Variants in RIMBP2 observed in about 807,000 individuals in gnomAD.
RIMBP2 encodes the protein RIMS binding protein 2.
RIMBP2 carries 48 observed loss-of-function variants against 118.6 expected under a neutral mutation model. The observed-to-expected ratio is 0.40, with a 90% CI of 0.32 to 0.51. RIMBP2 has a LOEUF of 0.51. RIMBP2 is among the 20% of genes least tolerant of loss of function. The pLI, the probability that RIMBP2 is intolerant of heterozygous loss-of-function variation, is 0.41. For missense variants in RIMBP2, 1,551 were observed against 1,768.3 expected (o/e 0.88, Z 2.20); for synonymous variants, 762 against 742.9 (o/e 1.03, Z -0.42).
At chr12:130,423,643 T>A (rs191734186) in intron 16 of RIMBP2, among the ~76,000 whole-genome samples, 32 of 137,902 alleles carry the variant, frequency 2.3e-4, no homozygotes, top group African/African-American at 8.2e-4. Context: ...ACAAGAACTT[T>A]GGAAACAATA....
At chr12:130,549,324 G>C (rs2055501500) in intron 2 of RIMBP2, among the ~76,000 whole-genome samples, 1 of 152,164 alleles carries the variant, frequency 6.6e-6, no homozygotes, top group Non-Finnish European at 1.5e-5. Context: ...AAATGACTTG[G>C]TGATCTTTGG....
chr12:130,566,005 T>C (rs1334146327), intron 2 of RIMBP2, among the ~76,000 whole-genome samples: 1 of 152,222 alleles, frequency 6.6e-6, no homozygotes, highest in East Asian at 1.9e-4. Context: ...CAAGTATCAG[T>C]TCCTAACGAG....
At chr12:130,430,394 A>G (rs555333262) in intron 14 of RIMBP2, 1 of 152,336 alleles carries the variant, frequency 6.6e-6, no homozygotes, top group Non-Finnish European at 1.5e-5. Flanking sequence ...AGGCTGAGGT[A>G]AAGCCTCCAC....
intron 12 of RIMBP2, among the ~76,000 whole-genome samples, chr12:130,437,820 G>T (rs1430141584): frequency 6.6e-6 from 1 of 152,222 alleles, no homozygotes; most frequent in Non-Finnish European, 1.5e-5. Flanking sequence ...CTCCTGCAGG[G>T]CGGAGCTGGG....
chr12:130,710,711 C>T lies in RIMBP2; in HGVS notation c.-352+5511G>A, dbSNP rs1949855600. On this transcript the variant is annotated intron_variant, in intron 1 of 22. Coordinates refer to ENST00000690449, the MANE Select transcript of RIMBP2 (RefSeq NM_001393629.1). This position sits in a 1 kb window ranked among gnomAD's most constrained non-coding sequence, Gnocchi z 4.3. ...ACACAGCTAGGCCAAGGAGAGAGCCCCCCTCATCTCCCACACTGGGTCTCT... is the reference window on the plus strand; with the variant it reads ...ACACAGCTAGGCCAAGGAGAGAGCCTCCCTCATCTCCCACACTGGGTCTCT... 6.6e-6 allele frequency among the ~76,000 whole-genome samples: 1 copy of T among 152,210 alleles called. No homozygotes were observed. Among genetic ancestry groups the T allele is most frequent in the Non-Finnish European group, 1.5e-5 (1 of 68,038 alleles).
intron 2 of RIMBP2, among the ~76,000 whole-genome samples, chr12:130,595,239 G>A (rs1230400186): frequency 6.6e-6 from 1 of 152,178 alleles, no homozygotes; most frequent in East Asian, 1.9e-4. Flanking sequence ...CTGATGGGCT[G>A]CCCTGCAGCT....
chr12:130,592,348 G>GT (rs1056945055), intron 2 of RIMBP2, among the ~76,000 whole-genome samples: 1 of 152,148 alleles, frequency 6.6e-6, no homozygotes, highest in African/African-American at 2.4e-5. Flanking sequence ...TCTCTTTTCT[G>GT]TTTTGACAGC....
In RIMBP2 at chr12:130,454,470, G is replaced by A. The variant is rs180774388; in HGVS notation, c.358+2026C>T. 1.7e-3 allele frequency among the ~76,000 whole-genome samples: 253 copies of A among 152,316 alleles called. 1 individual carries two copies. The highest frequency in any genetic ancestry group is 2.4e-3 in the Admixed American group (36 of 15,308). ...TCTGGAGGCACTGGTGTCCACCGCC[G>A]TCATAAGCGACATGCACTGTGAGGG... On this transcript the variant is annotated intron_variant, in intron 7 of 22. Coordinates refer to ENST00000690449, the MANE Select transcript of RIMBP2 (RefSeq NM_001393629.1).
At chr12:130,564,961 T>G (rs765576653) in intron 2 of RIMBP2, among the ~76,000 whole-genome samples, 7 of 152,192 alleles carry the variant, frequency 4.6e-5, no homozygotes, top group Non-Finnish European at 1.0e-4. Context: ...TTGATCACAG[T>G]GATAACATGA....
chr12:130,617,155 T>C lies in RIMBP2; in HGVS notation c.-217+11167A>G, dbSNP rs868746547. Among the ~76,000 whole-genome samples, 2 of 152,130 alleles carry C rather than the reference T, an allele frequency of 1.3e-5. No individual in the cohort carries two copies. Among genetic ancestry groups the C allele is most frequent in the Non-Finnish European group, 2.9e-5 (2 of 68,008 alleles). ...CCCTACCAGTCTCTTCTGTGTTTCA[T>C]TGTCACCAACGATCCCCCACCCCCG... On this transcript the variant is annotated intron_variant, in intron 2 of 22. Coordinates refer to ENST00000690449, the MANE Select transcript of RIMBP2 (RefSeq NM_001393629.1). This position sits in a 1 kb window ranked among gnomAD's most constrained non-coding sequence, Gnocchi z 4.6.
At chr12:130,488,327 A>G (rs1364929579) in intron 4 of RIMBP2, among the ~76,000 whole-genome samples, 1 of 152,112 alleles carries the variant, frequency 6.6e-6, no homozygotes, top group Non-Finnish European at 1.5e-5. Context: ...GATGGCGAAA[A>G]AAAAGTTTAA....
chr12:130,471,585 C>A lies in RIMBP2; in HGVS notation c.103-842G>T, dbSNP rs188041682. Among the ~76,000 whole-genome samples, 8 of 152,314 alleles carry A rather than the reference C, an allele frequency of 5.3e-5. No individual in the cohort carries two copies. In the East Asian group the frequency reaches 5.8e-4, roughly 11 times the overall value. On this transcript the variant is annotated intron_variant, in intron 5 of 22. Coordinates refer to ENST00000690449, the MANE Select transcript of RIMBP2 (RefSeq NM_001393629.1). ...TCACTCTGCTCCATCTAAGCCAATGCCCGTTGTCCCGTCACAGTCGCCAGG... is the reference window on the plus strand; with the variant it reads ...TCACTCTGCTCCATCTAAGCCAATGACCGTTGTCCCGTCACAGTCGCCAGG...
intron 1 of RIMBP2, among the ~76,000 whole-genome samples, chr12:130,693,238 A>G (rs538393806): frequency 6.6e-6 from 1 of 152,212 alleles, no homozygotes; most frequent in East Asian, 1.9e-4. Flanking sequence ...GTAATGATTC[A>G]ATTGATTGAA....
intron 1 of RIMBP2, among the ~76,000 whole-genome samples, chr12:130,699,811 C>T (rs943620138): frequency 6.8e-6 from 1 of 146,872 alleles, no homozygotes; most frequent in Non-Finnish European, 1.5e-5. Context: ...GAGGCTGAGG[C>T]AGGAGAATCA....
rs2136984303 is a variant in RIMBP2 at position 130,434,108 on chromosome 12, G to A, written c.2253+626C>T. Among the ~76,000 whole-genome samples the A allele has an allele frequency of 6.6e-6, 1 of 152,310 alleles. No homozygotes were observed. The highest frequency in any genetic ancestry group is 6.5e-5 in the Admixed American group (1 of 15,296). ...GGGTTCAGAGGATACTGTGTGATCT[G>A]ATAACTGCAGCGTCTTCGAGCTCCC... is the stretch of plus-strand genomic sequence containing the variant. On this transcript the variant is annotated intron_variant, in intron 14 of 22. Coordinates refer to ENST00000690449, the MANE Select transcript of RIMBP2 (RefSeq NM_001393629.1). This position sits in a 1 kb window ranked among gnomAD's most constrained non-coding sequence, Gnocchi z 5.7.
At chr12:130,444,718 G>A (rs1358314907) in intron 10 of RIMBP2, among the ~76,000 whole-genome samples, 1 of 152,210 alleles carries the variant, frequency 6.6e-6, no homozygotes, top group Non-Finnish European at 1.5e-5. Flanking sequence ...TCAAGGAGAT[G>A]GATGGCCTTC....
At chr12:130,691,553 C>G (rs1387261200) in intron 1 of RIMBP2, among the ~76,000 whole-genome samples, 2 of 152,172 alleles carry the variant, frequency 1.3e-5, no homozygotes, top group African/African-American at 2.4e-5. Flanking sequence ...ACACTGGAAT[C>G]CCAGCTACTT....
chr12:130,404,531 C>G (rs1274836347), intron 21 of RIMBP2, among the ~76,000 whole-genome samples: 3 of 152,134 alleles, frequency 2.0e-5, no homozygotes. Flanking sequence ...AATGCCTGAC[C>G]TCAGGTGATC....
In RIMBP2 at chr12:130,539,875, T is replaced by TCGATG. The variant is rs1566227336; in HGVS notation, c.-216-21959_-216-21958insCATCG. Reference sequence around the variant, plus strand: ...CAGGTGTAGGATATGGCAAATGCAGTAGATGAGGTGGCGAGGTGTAGGCTA... The same window carrying TCGATG: ...CAGGTGTAGGATATGGCAAATGCAGTCGATGAGATGAGGTGGCGAGGTGTAGGCTA... On this transcript the variant is annotated intron_variant, in intron 2 of 22. Coordinates refer to ENST00000690449, the MANE Select transcript of RIMBP2 (RefSeq NM_001393629.1). Among the ~76,000 whole-genome samples, 15 of 123,898 alleles carry TCGATG rather than the reference T, an allele frequency of 1.2e-4. 2 individuals are homozygous for TCGATG. The highest frequency in any genetic ancestry group is 1.9e-4 in the African/African-American group (6 of 32,088). 81.3% of individuals were successfully genotyped at this position (123,898 alleles called of 152,430 possible).
Sources: allele counts gnomAD v4.1 joint callset (sites outside exome capture counted in the v4.1 genomes callset), GRCh38; gene constraint gnomAD v4.1.1; non-coding constraint Gnocchi (gnomAD v3.1); transcripts MANE v1.5; gene names NCBI Gene and HGNC (gene_info 2026-07-23, HGNC 2026-07-21).